Variants in SHISA9 observed in about 807,000 individuals in gnomAD.
SHISA9 encodes protein shisa-9.
Under a neutral mutation model 38.0 loss-of-function variants are expected in SHISA9, and 13 were observed. The ratio of observed to expected loss-of-function variants is 0.34; its 90% CI spans 0.22 to 0.54. The LOEUF is 0.54. Ranked by LOEUF, SHISA9 falls within the 20% of genes least tolerant of loss-of-function variation. The pLI, the probability that SHISA9 is intolerant of heterozygous loss-of-function variation, is 0.91. For missense variants in SHISA9, 538 were observed against 575.8 expected (o/e 0.93, Z 0.67); for synonymous variants, 275 against 242.0 (o/e 1.14, Z -1.27).
intron 4 of SHISA9, among the ~76,000 whole-genome samples, chr16:13,233,385 CT>C (rs1190305420): frequency 2.0e-5 from 3 of 152,262 alleles, no homozygotes; most frequent in Non-Finnish European, 4.4e-5. Flanking sequence ...TGGTAAAACT[CT>C]TTTGTAGAAT....
At chr16:13,327,634 C>T in the SHISA9 span, among the ~76,000 whole-genome samples, 5 of 152,024 alleles carry the variant, frequency 3.3e-5, no homozygotes, top group African/African-American at 1.2e-4. Context: ...AAAGGCATAG[C>T]TCTTGCCTTT....
At chr16:12,940,691 C>T (rs1401471141) in intron 2 of SHISA9, among the ~76,000 whole-genome samples, 1 of 152,208 alleles carries the variant, frequency 6.6e-6, no homozygotes, top group African/African-American at 2.4e-5. Context: ...TGTCCTTTGT[C>T]TCAGTGCTAG....
At chr16:13,023,705 T>C (rs375477055) in intron 2 of SHISA9, among the ~76,000 whole-genome samples, 4 of 152,248 alleles carry the variant, frequency 2.6e-5, no homozygotes, top group African/African-American at 9.6e-5. Context: ...TTTTAATGAT[T>C]GCCATTCTAA....
chr16:13,145,291 G>A (rs1057374954), intron 2 of SHISA9, among the ~76,000 whole-genome samples: 1 of 152,182 alleles, frequency 6.6e-6, no homozygotes, highest in Non-Finnish European at 1.5e-5. Context: ...TTGGGAGGCC[G>A]AGATGGGTGG....
chr16:13,271,593 C>A, the SHISA9 span, among the ~76,000 whole-genome samples: 1 of 151,990 alleles, frequency 6.6e-6, no homozygotes, highest in Non-Finnish European at 1.5e-5. Flanking sequence ...CATGAATGAA[C>A]CTCAAATATA....
intron 2 of SHISA9, among the ~76,000 whole-genome samples, chr16:13,107,738 T>C (rs919333185): frequency 2.6e-5 from 4 of 151,932 alleles, no homozygotes; most frequent in Middle Eastern, 3.4e-3. Context: ...TGAGAATAGA[T>C]TGGAAGATGA....
intron 1 of SHISA9, among the ~76,000 whole-genome samples, chr16:12,903,937 T>C (rs1272430997): frequency 6.7e-6 from 1 of 150,050 alleles, no homozygotes. Flanking sequence ...GAGTATCCGA[T>C]GAGATTTTTT....
the SHISA9 span, among the ~76,000 whole-genome samples, chr16:13,388,508 C>A: frequency 1.3e-5 from 2 of 151,994 alleles, no homozygotes; most frequent in Admixed American, 1.3e-4. Context: ...GACAGGTTTT[C>A]ACCATGTTGG....
chr16:12,910,868 G>T (rs1314295602), intron 1 of SHISA9: 1 of 402,168 alleles, frequency 2.5e-6, no homozygotes, highest in African/African-American at 2.2e-5. Context: ...TCTCTTTTTG[G>T]GGCAAAGGTC....
chr16:13,395,917 G>T, the SHISA9 span, among the ~76,000 whole-genome samples: 1,010 of 152,258 alleles, frequency 6.6e-3, 9 homozygotes, highest in African/African-American at 0.023. Flanking sequence ...AACGTGTTCA[G>T]GGTCACTTCA....
intron 2 of SHISA9, among the ~76,000 whole-genome samples, chr16:13,045,891 G>A (rs1033320945): frequency 1.3e-5 from 2 of 152,088 alleles, no homozygotes; most frequent in African/African-American, 2.4e-5. Context: ...ATTTCAAGAC[G>A]GTCAGGCCTA....
At chr16:12,902,762 C>T (rs1244038322) in intron 1 of SHISA9, 135 bp downstream of exon 1, 2 of 968,106 alleles carry the variant, frequency 2.1e-6, no homozygotes, top group African/African-American at 1.7e-5. Flanking sequence ...GGGATGTCAC[C>T]GGGAAGCCAA....
At position 13,215,524 on chromosome 16, in the gene SHISA9, T is replaced by C. The variant is rs934190941; in HGVS notation, c.895+2224T>C. Among the ~76,000 whole-genome samples the C allele has an allele frequency of 7.9e-5, 12 of 152,238 alleles. No homozygotes were observed. In the East Asian group the frequency reaches 1.5e-3, roughly 20 times the overall value. ...TAATTTGAGGCATTAACTTCTTTTTTCCCTCCCTGTGAAAAACAAAGCCGT... is the reference window on the plus strand; with the variant it reads ...TAATTTGAGGCATTAACTTCTTTTTCCCCTCCCTGTGAAAAACAAAGCCGT... On this transcript the variant is annotated intron_variant, in intron 4 of 4. Transcript: ENST00000558583.
intron 1 of SHISA9, among the ~76,000 whole-genome samples, chr16:12,906,217 T>G (rs1291092692): frequency 2.6e-5 from 4 of 152,240 alleles, no homozygotes; most frequent in African/African-American, 9.6e-5. Flanking sequence ...TGTCTGGAGC[T>G]GCAAGGGACC....
intron 2 of SHISA9, among the ~76,000 whole-genome samples, chr16:12,974,517 G>A (rs898067409): frequency 1.8e-5 from 2 of 109,740 alleles, no homozygotes; most frequent in Non-Finnish European, 3.3e-5. Context: ...CCGGAGTTTC[G>A]CTCTGTCGCC....
chr16:13,036,271 T>C (rs1244094647), intron 2 of SHISA9, among the ~76,000 whole-genome samples: 2 of 152,226 alleles, frequency 1.3e-5, no homozygotes, highest in Admixed American at 1.3e-4. Flanking sequence ...GATAAACTAC[T>C]TGTGTGATAT....
At chr16:13,011,512 A>C (rs2072674533) in intron 2 of SHISA9, among the ~76,000 whole-genome samples, 1 of 151,708 alleles carries the variant, frequency 6.6e-6, no homozygotes, top group Admixed American at 6.6e-5. Context: ...GGTAACCTCT[A>C]TCTCTGTATA....
the SHISA9 span, among the ~76,000 whole-genome samples, chr16:13,271,570 A>C: frequency 6.6e-6 from 1 of 152,300 alleles, no homozygotes; most frequent in African/African-American, 2.4e-5. Flanking sequence ...GAAACTATTG[A>C]CACACACGAC....
At chr16:13,353,812 G>C in the SHISA9 span, among the ~76,000 whole-genome samples, 1 of 152,170 alleles carries the variant, frequency 6.6e-6, no homozygotes, top group African/African-American at 2.4e-5. Flanking sequence ...TACTTTTCGT[G>C]AAGACGGAGG....
Sources: gnomAD v4.1 joint callset for allele counts (sites outside exome capture counted in the v4.1 genomes callset) on GRCh38, gnomAD v4.1.1 for gene constraint, MANE v1.5 for transcripts, NCBI Gene and HGNC (gene_info 2026-07-23, HGNC 2026-07-21) for gene names.